ATP10D: variants seen among roughly 807,000 people sequenced by gnomAD.
ATP10D encodes ATPase phospholipid transporting 10D (putative).
Under a neutral mutation model 144.8 loss-of-function variants are expected in ATP10D, and 89 were observed. The ratio of observed to expected loss-of-function variants is 0.61; its 90% CI spans 0.52 to 0.73. The LOEUF (loss-of-function observed/expected upper bound fraction) is 0.73, where lower values mean the gene tolerates loss of function less well. ATP10D is among the 30% of genes least tolerant of loss of function. The pLI is 0.00. For missense variants in ATP10D, 1,603 were observed against 1,714.8 expected (o/e 0.93, Z 1.15); for synonymous variants, 571 against 615.1 (o/e 0.93, Z 1.06).
Position 47,515,564 on chromosome 4 carries a change from CT to C in ATP10D, c.380del (p.Leu127ArgfsTer29), listed in dbSNP as rs1190919385. 6.2e-7 allele frequency: 1 copy of C among 1,612,984 alleles called. No individual in the cohort carries two copies. The highest frequency in any genetic ancestry group is 1.3e-5 in the African/African-American group (1 of 74,864). On this transcript the variant is annotated frameshift_variant, in exon 3 of 23. Transcript: ENST00000273859. LOFTEE classifies it high-confidence loss of function. ...CCAAAAGGAAATCACCATGTTGCCTCTGGTGGTGGTCCTTACAATTATCGCA... is the reference window on the plus strand; with the variant it reads ...CCAAAAGGAAATCACCATGTTGCCTCGGTGGTGGTCCTTACAATTATCGCA... ...AFQKEITMLP[L>X]VVVLTIIAIK...
intron 22 of ATP10D, among the ~76,000 whole-genome samples, chr4:47,587,644 G>A (rs775380810): frequency 2.0e-5 from 3 of 152,090 alleles, no homozygotes; most frequent in Non-Finnish European, 2.9e-5. Flanking sequence ...AAGATTTGAC[G>A]ATCCCAATTC....
At chr4:47,563,867 C>A in intron 15 of ATP10D, 102 bp downstream of exon 15, 1 of 1,123,092 alleles carries the variant, frequency 8.9e-7, no homozygotes, top group African/African-American at 1.6e-5. Flanking sequence ...AAAACAGCAA[C>A]CGTTAGCTTT....
Position 47,591,568 on chromosome 4 carries a change from G to A in ATP10D, c.*187G>A, listed in dbSNP as rs977383591. 8 of 446,182 alleles carry A rather than the reference G, an allele frequency of 1.8e-5. No individual in the cohort carries two copies. The highest frequency in any genetic ancestry group is 2.7e-5 in the Non-Finnish European group (7 of 256,862). 27.6% of individuals were successfully genotyped at this position (446,182 alleles called of 1,614,324 possible). A position where few individuals can be genotyped will look rare whatever the true frequency, so the allele number is the denominator to read the frequency against. On this transcript the variant is annotated 3_prime_UTR_variant, in exon 23 of 23. Transcript: ENST00000273859. ...CATTTGTGATAGAGGGCTAGAGTTT[G>A]ACCTAGAGAGAGTTTAAGGAAGTGA...
At position 47,564,376 on chromosome 4, in the gene ATP10D, G is replaced by A. The variant is rs145920090; in HGVS notation, c.2853+611G>A. 1.2e-4 allele frequency among the ~76,000 whole-genome samples: 18 copies of A among 152,034 alleles called. No homozygotes were observed. In the East Asian group the frequency reaches 3.3e-3, roughly 28 times the overall value. ...TTCCCCCCTCCACACTGGATTACCA[G>A]GGATCTGACAGGACTTAGCCCAAAA... On this transcript the variant is annotated intron_variant, in intron 15 of 22. Transcript: ENST00000273859.
intron 10 of ATP10D, among the ~76,000 whole-genome samples, chr4:47,552,890 G>A (rs1000752783): frequency 1.3e-5 from 2 of 152,116 alleles, no homozygotes. Context: ...CCTCTTCTTG[G>A]AGATTCCTAA....
At chr4:47,585,481 C>G (rs934582315) in intron 21 of ATP10D, among the ~76,000 whole-genome samples, 1 of 152,052 alleles carries the variant, frequency 6.6e-6, no homozygotes, top group African/African-American at 2.4e-5. Context: ...AAGCATTTAT[C>G]CTTTGAGTTA....
intron 1 of ATP10D, among the ~76,000 whole-genome samples, chr4:47,505,772 A>G (rs1430814889): frequency 1.3e-5 from 2 of 152,054 alleles, no homozygotes; most frequent in Non-Finnish European, 2.9e-5. Flanking sequence ...AGAAAAAAAA[A>G]AGAAACCTAG....
At chr4:47,540,379 C>T (rs1246317408) in intron 9 of ATP10D, among the ~76,000 whole-genome samples, 1 of 152,182 alleles carries the variant, frequency 6.6e-6, no homozygotes, top group Non-Finnish European at 1.5e-5. Flanking sequence ...CATGTACTGG[C>T]AGCATCAGCA....
At position 47,523,525 on chromosome 4, in the gene ATP10D, T is replaced by A. The variant is rs1373709281; in HGVS notation, c.690+309T>A. On this transcript the variant is annotated intron_variant, in intron 4 of 22. Coordinates refer to ENST00000273859, the MANE Select transcript of ATP10D (RefSeq NM_020453.4). The stretch of plus-strand genomic sequence containing the variant: ...GTATCTTATTTTTAGTTATCATTAT[T>A]TCTAAAATCTGTAATTACTTATATA... Among the ~76,000 whole-genome samples the A allele has an allele frequency of 3.3e-5, 5 of 152,342 alleles. No individual in the cohort carries two copies. The East Asian group carries it at 9.6e-4, about 29-fold the overall frequency.
chr4:47,575,933 T>C (rs1198717535), intron 18 of ATP10D, among the ~76,000 whole-genome samples: 1 of 139,870 alleles, frequency 7.1e-6, no homozygotes, highest in African/African-American at 2.7e-5. Flanking sequence ...CCTTTTTTTT[T>C]TTTTTTTTTT....
intron 10 of ATP10D, among the ~76,000 whole-genome samples, chr4:47,551,733 T>C (rs1282922397): frequency 6.6e-6 from 1 of 152,208 alleles, no homozygotes; most frequent in Non-Finnish European, 1.5e-5. Flanking sequence ...AGTCTGGTTC[T>C]GAAGTTAGCA....
intron 1 of ATP10D, among the ~76,000 whole-genome samples, chr4:47,509,553 C>T (rs910269546): frequency 4.6e-5 from 7 of 152,154 alleles, no homozygotes; most frequent in African/African-American, 1.2e-4. Context: ...GTGGTGAGAA[C>T]ACTTTAGGTC....
Position 47,581,995 on chromosome 4 carries a change from T to A in ATP10D, c.3684T>A (p.Phe1228Leu). Residue 1228 changes from phenylalanine (F) to leucine (L), a missense_variant, in exon 21 of 23, where the codon TTT becomes TTA. Transcript: ENST00000273859. ...YQGSDTDIFA[F>L]GNPLNTAALF... ...GCTCAGATACTGACATCTTTGCATT[T>A]GGAAACCCCCTGAACACAGCCGCTC... 6.2e-7 allele frequency: 1 copy of A among 1,614,086 alleles called. No individual in the cohort carries two copies. The highest frequency in any genetic ancestry group is 1.7e-5 in the Admixed American group (1 of 60,020).
At chr4:47,497,981 T>C (rs1715482149) in intron 1 of ATP10D, among the ~76,000 whole-genome samples, 1 of 152,264 alleles carries the variant, frequency 6.6e-6, no homozygotes, top group Non-Finnish European at 1.5e-5. Flanking sequence ...TTCATATGTA[T>C]TCTTATAAAA....
rs1376048551 is a variant in ATP10D at position 47,582,450 on chromosome 4, GA to G, written c.3753+392del. On this transcript the variant is annotated intron_variant, in intron 21 of 22. Coordinates refer to ENST00000273859, the MANE Select transcript of ATP10D (RefSeq NM_020453.4). ...ATGATTTTATGCCTTCCTTATAATAGAAAAAATCTTTTTTGGCTCTCCTTTG... is the reference window on the plus strand; with the variant it reads ...ATGATTTTATGCCTTCCTTATAATAGAAAAATCTTTTTTGGCTCTCCTTTG... 2.0e-5 allele frequency among the ~76,000 whole-genome samples: 3 copies of G among 152,230 alleles called. No homozygotes were observed. The East Asian group carries it at 5.8e-4, about 29-fold the overall frequency.
intron 10 of ATP10D, among the ~76,000 whole-genome samples, chr4:47,550,543 AATGGTGGCGGGCCACTTCCAAG>A (rs1248912835): frequency 5.3e-5 from 8 of 152,032 alleles, no homozygotes; most frequent in Non-Finnish European, 1.0e-4. Flanking sequence ...TGGCTTCCAA[AATGGTGGCGGGCCACTTCCAAG>A]ATGGTGGCAA....
chr4:47,542,880 A>G (rs974406296), intron 9 of ATP10D, among the ~76,000 whole-genome samples: 6 of 152,156 alleles, frequency 3.9e-5, no homozygotes, highest in Non-Finnish European at 8.8e-5. Flanking sequence ...AGTTTTCCCT[A>G]CAGTAATAGC....
intron 10 of ATP10D, among the ~76,000 whole-genome samples, chr4:47,549,665 T>C (rs1718624059): frequency 6.6e-6 from 1 of 152,222 alleles, no homozygotes; most frequent in African/African-American, 2.4e-5. Flanking sequence ...TATAAACCTG[T>C]ATTAAAGATG....
chr4:47,547,823 A>G (rs1327132165), intron 10 of ATP10D, among the ~76,000 whole-genome samples: 1 of 152,148 alleles, frequency 6.6e-6, no homozygotes. Context: ...CAACAAATGC[A>G]TAATTACAGC....
Sources: allele counts gnomAD v4.1 joint callset (sites outside exome capture counted in the v4.1 genomes callset), GRCh38; gene constraint gnomAD v4.1.1; transcripts MANE v1.5; gene names NCBI Gene and HGNC (gene_info 2026-07-23, HGNC 2026-07-21).